Variants in GKAP1 observed in about 807,000 individuals in gnomAD.
GKAP1 encodes G kinase-anchoring protein 1.
In GKAP1, 31 loss-of-function variants were observed where a neutral mutation model predicts 56.7. The observed-to-expected ratio is 0.55, with a 90% CI of 0.41 to 0.74. The LOEUF is 0.74. Among genes scored for constraint, GKAP1 ranks in the 30% least tolerant of loss-of-function variants. The probability of loss-of-function intolerance (pLI) is 0.00; values close to 1 mark genes in which losing one functional copy is unlikely to be tolerated. For synonymous variants in GKAP1, 151 were observed against 138.6 expected, an observed-to-expected ratio of 1.09 and a Z score of -0.63; for missense variants, 364 against 402.3, an observed-to-expected ratio of 0.90 and a Z score of 0.82.
At chr9:83,761,379 A>C (rs1276828465) in intron 8 of GKAP1, among the ~76,000 whole-genome samples, 3 of 152,128 alleles carry the variant, frequency 2.0e-5, no homozygotes, top group Non-Finnish European at 4.4e-5. Flanking sequence ...AACCATGAAG[A>C]AATCCAAAAT....
rs772444781 is a variant in GKAP1, at chr9:83,788,610, C to T, written c.429G>A (p.Glu143=). 65 of 1,565,956 alleles carry T rather than the reference C, an allele frequency of 4.2e-5. 1 individual carries two copies. In the Middle Eastern group the frequency reaches 8.4e-4, roughly 20 times the overall value. ...GTAAGTATGTAAATACCTTTTTGTG[C>T]TCTTCATATTCTAGTTTACTTAGTA... ...ALLLSKLEYE[E]HKKEYEDAEN... The change falls in exon 5 of 13, where the codon GAG becomes GAA. Residue 143 remains glutamate, a synonymous_variant. Coordinates refer to ENST00000376371, the MANE Select transcript of GKAP1 (RefSeq NM_025211.4).
intron 9 of GKAP1, among the ~76,000 whole-genome samples, chr9:83,749,314 C>A (rs1943347635): frequency 6.6e-6 from 1 of 151,468 alleles, no homozygotes; most frequent in Non-Finnish European, 1.5e-5. Flanking sequence ...GCAACCTTCG[C>A]CTCCTGGGTT....
intron 8 of GKAP1, among the ~76,000 whole-genome samples, chr9:83,757,292 T>C (rs900889535): frequency 6.6e-6 from 1 of 152,132 alleles, no homozygotes; most frequent in Non-Finnish European, 1.5e-5. Flanking sequence ...GAAGAAAAAT[T>C]GGAAGAGTAC....
At chr9:83,772,360 T>A (rs1390914626) in intron 7 of GKAP1, among the ~76,000 whole-genome samples, 1 of 152,142 alleles carries the variant, frequency 6.6e-6, no homozygotes, top group East Asian at 1.9e-4. Flanking sequence ...TATAAGAGTG[T>A]TGTGCTGGGA....
At chr9:83,806,851 A>G (rs1028271679) in intron 2 of GKAP1, among the ~76,000 whole-genome samples, 23 of 152,208 alleles carry the variant, frequency 1.5e-4, no homozygotes, top group African/African-American at 4.3e-4. Context: ...AAATATATAC[A>G]TAGTTATAGA....
At chr9:83,802,263 G>A (rs1944342509) in intron 3 of GKAP1, among the ~76,000 whole-genome samples, 1 of 151,826 alleles carries the variant, frequency 6.6e-6, no homozygotes, top group Non-Finnish European at 1.5e-5. Flanking sequence ...GGCGGATCAC[G>A]AGGTCAGGAG....
chr9:83,788,872 A>G (rs894533497), intron 4 of GKAP1, 194 bp from the exon 5 acceptor site: 3 of 378,354 alleles, frequency 7.9e-6, no homozygotes, highest in African/African-American at 6.2e-5. Context: ...CAAACTTCCA[A>G]TTTTGAGATT....
chr9:83,816,290 A>G (rs923842207), intron 2 of GKAP1, among the ~76,000 whole-genome samples: 2 of 152,186 alleles, frequency 1.3e-5, no homozygotes, highest in Non-Finnish European at 2.9e-5. Context: ...CCCAATGGGT[A>G]TGCCCCAAAC....
chr9:83,765,595 G>A (rs1409040491), intron 8 of GKAP1, among the ~76,000 whole-genome samples: 1 of 152,214 alleles, frequency 6.6e-6, no homozygotes, highest in East Asian at 1.9e-4. Flanking sequence ...AAGCCACAGA[G>A]GCAGAGTTGC....
At chr9:83,741,129 T>G (rs1943199767) in intron 12 of GKAP1, among the ~76,000 whole-genome samples, 1 of 152,100 alleles carries the variant, frequency 6.6e-6, no homozygotes, top group South Asian at 2.1e-4. Context: ...TGCTTCTCGA[T>G]GAGATTTCTT....
chr9:83,772,070 T>A (rs993301711), intron 7 of GKAP1, among the ~76,000 whole-genome samples: 2 of 151,930 alleles, frequency 1.3e-5, no homozygotes, highest in African/African-American at 4.8e-5. Context: ...CAAAAATAAA[T>A]CAACTACTAC....
Position 83,779,448 on chromosome 9 carries a change from T to TACACAC in GKAP1, c.585+928_585+933dup, listed in dbSNP as rs368970118. 2.5e-4 allele frequency among the ~76,000 whole-genome samples: 30 copies of TACACAC among 119,614 alleles called. 1 individual carries two copies. The highest frequency in any genetic ancestry group is 8.3e-4 in the African/African-American group (27 of 32,408). 78.5% of individuals were successfully genotyped at this position (119,614 alleles called of 152,430 possible). ...AGCCATATATATATATATATATATA[T>TACACAC]ACACACACACACACACGCACATATA... On this transcript the variant is annotated intron_variant, in intron 7 of 12. Transcript: ENST00000376371.
chr9:83,814,052 T>C (rs931895277), intron 2 of GKAP1, among the ~76,000 whole-genome samples: 7 of 152,108 alleles, frequency 4.6e-5, no homozygotes, highest in Non-Finnish European at 8.8e-5. Flanking sequence ...TGAGCAGTGA[T>C]TGTGCCACTG....
chr9:83,773,869 G>A (rs566377860), intron 7 of GKAP1, among the ~76,000 whole-genome samples: 7 of 152,118 alleles, frequency 4.6e-5, no homozygotes, highest in Admixed American at 2.6e-4. Flanking sequence ...AGTTCATCTC[G>A]AAATTCTTTC....
intron 3 of GKAP1, 130 bp downstream of exon 3, chr9:83,806,172 T>C (rs929289035): frequency 3.2e-6 from 2 of 627,148 alleles, no homozygotes; most frequent in African/African-American, 3.7e-5. Context: ...TTCACATCCA[T>C]TCATTGAAGT....
intron 5 of GKAP1, 112 bp from the exon 6 acceptor site, chr9:83,784,950 A>G (rs988164444): frequency 2.4e-6 from 2 of 849,918 alleles, no homozygotes; most frequent in East Asian, 6.0e-5. Context: ...AGGCAAATAA[A>G]AAACCAAAAT....
intron 2 of GKAP1, among the ~76,000 whole-genome samples, chr9:83,810,682 G>A (rs910667673): frequency 2.6e-5 from 4 of 152,176 alleles, no homozygotes; most frequent in Admixed American, 6.5e-5. Context: ...ACTACTTAAC[G>A]TAAGTACTTG....
intron 2 of GKAP1, 140 bp from the exon 3 acceptor site, chr9:83,806,700 T>C (rs1944444483): frequency 1.8e-6 from 1 of 559,650 alleles, no homozygotes; most frequent in Non-Finnish European, 3.1e-6. Flanking sequence ...CCCACAGCAC[T>C]ATTAGCAATA....
intron 2 of GKAP1, among the ~76,000 whole-genome samples, chr9:83,815,597 CAATTATACA>C (rs1564220463): frequency 6.6e-6 from 1 of 151,948 alleles, no homozygotes; most frequent in East Asian, 1.9e-4. Context: ...CACACACACA[CAATTATACA>C]TATAAAATCC....
Sources: allele counts gnomAD v4.1 joint callset (sites outside exome capture counted in the v4.1 genomes callset), GRCh38; gene constraint gnomAD v4.1.1; transcripts MANE v1.5; gene names NCBI Gene and HGNC (gene_info 2026-07-23, HGNC 2026-07-21).